Variants in QKI observed in about 807,000 individuals in gnomAD.
QKI encodes the protein KH domain-containing RNA-binding protein QKI.
In QKI, 10 loss-of-function variants were observed where a neutral mutation model predicts 39.0. The ratio of observed to expected loss-of-function variants is 0.26; its 90% CI spans 0.16 to 0.43. The LOEUF (loss-of-function observed/expected upper bound fraction) is 0.43. QKI is among the 20% of genes least tolerant of loss of function. QKI has a pLI of 1.00. For missense variants in QKI, 218 were observed against 428.0 expected (o/e 0.51, Z 4.33); for synonymous variants, 204 against 155.4 (o/e 1.31, Z -2.33).
At chr6:163,529,996 G>T (rs1780754936) in intron 3 of QKI, among the ~76,000 whole-genome samples, 1 of 152,120 alleles carries the variant, frequency 6.6e-6, no homozygotes, top group South Asian at 2.1e-4. Context: ...GAAATCAGGG[G>T]GCAGTACTGT....
At chr6:163,457,546 T>C in intron 2 of QKI, 1 of 439,824 alleles carries the variant, frequency 2.3e-6, no homozygotes, top group South Asian at 1.6e-5. Flanking sequence ...AATCAGAAAC[T>C]CTGGGGTAAG....
chr6:163,435,981 C>T (rs1789240452), intron 1 of QKI, among the ~76,000 whole-genome samples: 1 of 152,052 alleles, frequency 6.6e-6, no homozygotes, highest in African/African-American at 2.4e-5. Flanking sequence ...TTAGGAATAA[C>T]CAAACCCTTG....
intron 1 of QKI, chr6:163,415,873 C>A: frequency 2.0e-6 from 1 of 507,560 alleles, no homozygotes; most frequent in Non-Finnish European, 3.9e-6. Context: ...GGAGTTGGTG[C>A]AGCTGTTCAA....
Position 163,415,015 on chromosome 6 carries a change from G to A in QKI, c.-179G>A, listed in dbSNP as rs1243708729. 1 of 516,082 alleles carries A rather than the reference G, an allele frequency of 1.9e-6. No individual in the cohort carries two copies. The highest frequency in any genetic ancestry group is 2.5e-6 in the Non-Finnish European group (1 of 404,196). The allele number at this position is 516,082 out of a possible 1,614,324, so 32.0% of individuals were successfully genotyped here. Reference sequence around the variant, plus strand: ...CCCGGGCGGAAAGTGCCTGCGGGGGGCGGGCGAGCGCGCGGTGCCGGCCGC... The same window carrying A: ...CCCGGGCGGAAAGTGCCTGCGGGGGACGGGCGAGCGCGCGGTGCCGGCCGC... On this transcript the variant is annotated 5_prime_UTR_variant, in exon 1 of 8. Transcript: ENST00000361752.
chr6:163,547,349 A>G (rs1399293865), intron 4 of QKI, among the ~76,000 whole-genome samples: 1 of 152,166 alleles, frequency 6.6e-6, no homozygotes, highest in Non-Finnish European at 1.5e-5. Context: ...CTGTGTTCTT[A>G]ATTGCTTTTT....
rs1455316346 is a variant in QKI, at chr6:163,415,269, A to C, written c.76A>C (p.Lys26Gln). 6.3e-7 allele frequency: 1 copy of C among 1,597,036 alleles called. No individual in the cohort carries two copies. The highest frequency in any genetic ancestry group is 1.7e-5 in the Admixed American group (1 of 58,900). ...DYLMQLMNDKKLMSSLPNFCG... is the reference protein window; with the variant it reads ...DYLMQLMNDKQLMSSLPNFCG... The stretch of plus-strand genomic sequence containing the variant: ...CCTGATGCAGCTGATGAACGACAAG[A>C]AGCTCATGAGCAGCCTGCCCAACTT... Residue 26 changes from lysine to glutamine, a missense_variant, in exon 1 of 8, where the codon AAG becomes CAG. Physicochemically the swap from Lys to Gln is moderately conservative, Grantham distance 53. This residue lies in a region of QKI where 40 missense variants were observed against 48.7 expected (regional missense o/e 0.82). Transcript: ENST00000361752.
chr6:163,522,335 A>C (rs541723733), intron 3 of QKI, among the ~76,000 whole-genome samples: 1 of 152,254 alleles, frequency 6.6e-6, no homozygotes, highest in East Asian at 1.9e-4. Flanking sequence ...GGTGTAGTAG[A>C]AACTCAATTA....
rs1410611884 is a variant in QKI, at chr6:163,576,983, T to C, written c.*6273T>C. On this transcript the variant is annotated 3_prime_UTR_variant, in exon 8 of 8. Transcript: ENST00000361752. Reference sequence around the variant, plus strand: ...TATCTTTAATAAATGGTACAGTTTTTATGTAGTTTTCGAATGTAAGAAGAA... The same window carrying C: ...TATCTTTAATAAATGGTACAGTTTTCATGTAGTTTTCGAATGTAAGAAGAA... The C allele has an allele frequency of 1.3e-5, 2 of 152,212 alleles. No homozygotes were observed. The highest frequency in any genetic ancestry group is 4.8e-5 in the African/African-American group (2 of 41,448). The allele number at this position is 152,212 out of a possible 1,614,324, so 9.4% of individuals were successfully genotyped here.
At chr6:163,431,846 AC>A (rs1395493765) in intron 1 of QKI, among the ~76,000 whole-genome samples, 4 of 126,972 alleles carry the variant, frequency 3.2e-5, no homozygotes, top group Non-Finnish European at 3.4e-5. Flanking sequence ...AAAAAAAAAA[AC>A]CCTGTAATTC....
chr6:163,483,924 A>C (rs906074548), intron 3 of QKI, among the ~76,000 whole-genome samples: 4 of 152,240 alleles, frequency 2.6e-5, no homozygotes, highest in African/African-American at 9.6e-5. Context: ...TTTCTTAAAT[A>C]ATAAGGCTTG....
chr6:163,476,123 T>G (rs1177154908), intron 2 of QKI, among the ~76,000 whole-genome samples: 1 of 152,176 alleles, frequency 6.6e-6, no homozygotes. Context: ...GAATGCTAAT[T>G]GAAACATTTA....
intron 3 of QKI, among the ~76,000 whole-genome samples, chr6:163,490,996 C>G (rs371061017): frequency 6.6e-6 from 1 of 152,016 alleles, no homozygotes; most frequent in African/African-American, 2.4e-5. Context: ...GGTGTTCTGC[C>G]CTAGCTAAAA....
intron 3 of QKI, among the ~76,000 whole-genome samples, chr6:163,511,983 AAAG>A (rs1185513082): frequency 6.6e-6 from 1 of 151,894 alleles, no homozygotes; most frequent in South Asian, 2.1e-4. Flanking sequence ...AACGATAAAA[AAAG>A]AAGATACTGC....
At chr6:163,484,842 T>C (rs958755994) in intron 3 of QKI, among the ~76,000 whole-genome samples, 3 of 152,162 alleles carry the variant, frequency 2.0e-5, no homozygotes, top group Admixed American at 6.6e-5. Context: ...GTTTGAAATA[T>C]TGTGAGAATT....
intron 2 of QKI, among the ~76,000 whole-genome samples, chr6:163,463,323 A>T (rs1264742914): frequency 6.6e-6 from 1 of 152,170 alleles, no homozygotes; most frequent in Non-Finnish European, 1.5e-5. Context: ...CATGTATTAG[A>T]TGTAGGTGGT....
intron 3 of QKI, among the ~76,000 whole-genome samples, chr6:163,522,000 A>AT: frequency 6.6e-6 from 1 of 152,300 alleles, no homozygotes; most frequent in Admixed American, 6.5e-5. Flanking sequence ...CTGAAAAGCC[A>AT]TTTTTTAAGG....
chr6:163,422,584 G>C (rs945043332), intron 1 of QKI, among the ~76,000 whole-genome samples: 17 of 152,128 alleles, frequency 1.1e-4, no homozygotes, highest in African/African-American at 4.1e-4. Flanking sequence ...GTGAGACCCT[G>C]TCTTAAAAAA....
At chr6:163,525,927 C>T (rs1010988202) in intron 3 of QKI, among the ~76,000 whole-genome samples, 1 of 152,144 alleles carries the variant, frequency 6.6e-6, no homozygotes, top group Non-Finnish European at 1.5e-5. Context: ...TTATGAATAT[C>T]AAGTACTGAG....
intron 2 of QKI, among the ~76,000 whole-genome samples, chr6:163,472,808 C>G (rs1205081151): frequency 6.6e-6 from 1 of 152,128 alleles, no homozygotes; most frequent in Non-Finnish European, 1.5e-5. Flanking sequence ...GAAAATGAAA[C>G]TGCTCCCTAT....
Sources: allele counts gnomAD v4.1 joint callset (sites outside exome capture counted in the v4.1 genomes callset), GRCh38; gene constraint gnomAD v4.1.1; regional missense constraint gnomAD v4.1.1; transcripts MANE v1.5; gene names NCBI Gene and HGNC (gene_info 2026-07-23, HGNC 2026-07-21).